Variants in ITCH observed in about 807,000 individuals in gnomAD.
The protein encoded by ITCH is E3 ubiquitin-protein ligase Itchy homolog.
ITCH carries 28 observed loss-of-function variants against 126.8 expected under a neutral mutation model. The ratio of observed to expected loss-of-function variants is 0.22; its 90% CI spans 0.16 to 0.30. ITCH has a LOEUF of 0.30. Ranked by LOEUF, ITCH falls within the 10% of genes least tolerant of loss-of-function variation. ITCH has a pLI of 1.00. For synonymous variants in ITCH, 342 were observed against 340.0 expected (o/e 1.01, Z -0.06); for missense variants, 631 against 1,032.4 (o/e 0.61, Z 5.33).
intron 2 of ITCH, among the ~76,000 whole-genome samples, chr20:34,385,242 T>A (rs1296206473): frequency 6.8e-6 from 1 of 147,586 alleles, no homozygotes; most frequent in Non-Finnish European, 1.5e-5. Flanking sequence ...TTTTTTTTTT[T>A]AGCAGAGATA....
chr20:34,404,108 G>A (rs1240681057), intron 3 of ITCH, among the ~76,000 whole-genome samples: 4 of 152,170 alleles, frequency 2.6e-5, no homozygotes, highest in Non-Finnish European at 5.9e-5. Context: ...GATTGGAGAA[G>A]TGAGAGTAAA....
intron 1 of ITCH, among the ~76,000 whole-genome samples, chr20:34,365,369 A>T (rs2037382132): frequency 6.6e-6 from 1 of 152,196 alleles, no homozygotes; most frequent in African/African-American, 2.4e-5. Flanking sequence ...CTACTTCTTC[A>T]GTGTATTCTA....
At chr20:34,389,188 A>T (rs530904485) in intron 2 of ITCH, among the ~76,000 whole-genome samples, 100 of 152,126 alleles carry the variant, frequency 6.6e-4, no homozygotes, top group African/African-American at 2.2e-3. Flanking sequence ...TTTTTAAAAA[A>T]TTTTAATTAA....
chr20:34,440,592 G>A (rs900624702), intron 9 of ITCH, among the ~76,000 whole-genome samples: 1 of 152,008 alleles, frequency 6.6e-6, no homozygotes, highest in African/African-American at 2.4e-5. Flanking sequence ...TAGTAGCTAG[G>A]ATTACAGGTG....
At chr20:34,480,189 G>A (rs868319606) in intron 18 of ITCH, among the ~76,000 whole-genome samples, 9 of 151,612 alleles carry the variant, frequency 5.9e-5, no homozygotes, top group East Asian at 1.9e-4. Context: ...ATAAGTCACC[G>A]TGCCCAGCCA....
chr20:34,386,763 T>C (rs2038297736), intron 2 of ITCH, among the ~76,000 whole-genome samples: 1 of 152,228 alleles, frequency 6.6e-6, no homozygotes, highest in Admixed American at 6.5e-5. Context: ...TCCTGTTTAA[T>C]AATTTCTCTA....
chr20:34,412,961 A>T (rs1383995713), intron 5 of ITCH, among the ~76,000 whole-genome samples: 1 of 152,194 alleles, frequency 6.6e-6, no homozygotes, highest in Non-Finnish European at 1.5e-5. Flanking sequence ...CACTTCAGAG[A>T]CAAATCAAAT....
At chr20:34,410,612 G>T (rs189266839) in intron 4 of ITCH, among the ~76,000 whole-genome samples, 6 of 152,130 alleles carry the variant, frequency 3.9e-5, no homozygotes, top group East Asian at 3.8e-4. Context: ...GGAGGATAAG[G>T]GGGGAGGATA....
chr20:34,408,066 C>T lies in ITCH; in HGVS notation c.71-585C>T, dbSNP rs148470700. ...TCAGCCACCTGAGTAGCTGAGATTA[C>T]GGGTGCAAGCCACCCTGCCCAGCCA... On this transcript the variant is annotated intron_variant, in intron 3 of 24. Transcript: ENST00000374864. 3.9e-3 allele frequency among the ~76,000 whole-genome samples: 600 copies of T among 152,210 alleles called. 4 individuals are homozygous for T. Among genetic ancestry groups the T allele is most frequent in the Non-Finnish European group, 6.4e-3 (437 of 68,000 alleles).
At chr20:34,481,359 GT>G (rs35351679) in intron 20 of ITCH, among the ~76,000 whole-genome samples, 153 bp downstream of exon 20, 76 of 151,418 alleles carry the variant, frequency 5.0e-4, no homozygotes, top group South Asian at 2.9e-3. Context: ...TTTCTAAAAA[GT>G]TTTTTTTTAA....
At chr20:34,429,883 C>T (rs775355066) in intron 7 of ITCH, among the ~76,000 whole-genome samples, 2 of 151,992 alleles carry the variant, frequency 1.3e-5, no homozygotes, top group African/African-American at 2.4e-5. Context: ...GACCTTAAAA[C>T]AGAGCTATAA....
At chr20:34,386,444 A>G (rs1179991245) in intron 2 of ITCH, among the ~76,000 whole-genome samples, 1 of 152,168 alleles carries the variant, frequency 6.6e-6, no homozygotes, top group Non-Finnish European at 1.5e-5. Context: ...ATGTATTTCT[A>G]ATTTACCACA....
At chr20:34,483,580 A>G (rs1160147721) in intron 20 of ITCH, among the ~76,000 whole-genome samples, 2 of 152,140 alleles carry the variant, frequency 1.3e-5, no homozygotes, top group African/African-American at 2.4e-5. Flanking sequence ...TCTCATTTCC[A>G]TCTGAGAACA....
At chr20:34,421,442 G>C (rs1396417400) in intron 6 of ITCH, among the ~76,000 whole-genome samples, 5 of 152,174 alleles carry the variant, frequency 3.3e-5, no homozygotes, top group African/African-American at 1.2e-4. Context: ...AAAGTTTCTT[G>C]TGGGTAAAAC....
rs1033501876 is a variant in ITCH at position 34,391,720 on chromosome 20, G to A, written c.-21-2071G>A. On this transcript the variant is annotated intron_variant, in intron 2 of 24. Coordinates refer to ENST00000374864, the MANE Select transcript of ITCH (RefSeq NM_031483.7). Reference sequence around the variant, plus strand: ...TATTGAAATTACTAGGATGTTTTTGGCAGAGCACCTCACAATTCTACCATA... The same window carrying A: ...TATTGAAATTACTAGGATGTTTTTGACAGAGCACCTCACAATTCTACCATA... 1.1e-4 allele frequency among the ~76,000 whole-genome samples: 16 copies of A among 152,022 alleles called. No homozygotes were observed. The Middle Eastern group carries it at 0.017, about 162-fold the overall frequency.
chr20:34,364,281 T>G (rs1291922581), intron 1 of ITCH, among the ~76,000 whole-genome samples: 3 of 152,164 alleles, frequency 2.0e-5, no homozygotes, highest in African/African-American at 7.2e-5. Flanking sequence ...CTAATCTTAT[T>G]ACATTTTCTG....
At chr20:34,498,730 CTG>C (rs1407573175) in intron 23 of ITCH, among the ~76,000 whole-genome samples, 1 of 151,828 alleles carries the variant, frequency 6.6e-6, no homozygotes, top group East Asian at 1.9e-4. Context: ...ATTTTTGCAT[CTG>C]TGTTCATCAA....
At chr20:34,377,581 T>C (rs916506131) in intron 2 of ITCH, among the ~76,000 whole-genome samples, 5 of 151,298 alleles carry the variant, frequency 3.3e-5, no homozygotes, top group African/African-American at 7.3e-5. Context: ...ATAACTGATA[T>C]GGCTGGGCGC....
At chr20:34,493,877 A>G (rs1269296100) in intron 23 of ITCH, among the ~76,000 whole-genome samples, 1 of 152,226 alleles carries the variant, frequency 6.6e-6, no homozygotes, top group Non-Finnish European at 1.5e-5. Flanking sequence ...CAGAAATAGA[A>G]TACAGAGAGG....
Sources: allele counts gnomAD v4.1 joint callset (sites outside exome capture counted in the v4.1 genomes callset), GRCh38; gene constraint gnomAD v4.1.1; transcripts MANE v1.5; gene names NCBI Gene and HGNC (gene_info 2026-07-23, HGNC 2026-07-21).